The following CLASP1 variants were observed in gnomAD, a reference collection of about 807,000 sequenced individuals.
CLASP1 encodes the protein cytoplasmic linker associated protein 1, also known as CLIP-associating protein 1.
In CLASP1, 38 loss-of-function variants were observed where a neutral mutation model predicts 192.3. The ratio of observed to expected loss-of-function variants is 0.20; its 90% confidence interval spans 0.15 to 0.26. CLASP1 has a LOEUF of 0.26. Among genes scored for constraint, CLASP1 ranks in the 10% least tolerant of loss-of-function variants. CLASP1 has a pLI of 1.00. For synonymous variants in CLASP1, 691 were observed against 712.8 expected (o/e 0.97, Z 0.49); for missense variants, 1,433 against 1,932.5 (o/e 0.74, Z 4.85).
chr2:121,581,312 G>A (rs1234313522), intron 2 of CLASP1, among the ~76,000 whole-genome samples: 1 of 126,744 alleles, frequency 7.9e-6, no homozygotes, highest in Non-Finnish European at 1.6e-5. Flanking sequence ...CTGTCGCCCA[G>A]GCCGGACTGC....
intron 37 of CLASP1, among the ~76,000 whole-genome samples, chr2:121,355,934 A>C (rs1009327801): frequency 4.6e-5 from 7 of 152,262 alleles, no homozygotes; most frequent in Admixed American, 2.0e-4. Flanking sequence ...TTCACCTTTC[A>C]AAGTCAGTGA....
intron 1 of CLASP1, among the ~76,000 whole-genome samples, chr2:121,634,091 A>G (rs7558625): frequency 0.24 from 36,189 of 151,766 alleles, 6,543 homozygotes; most frequent in African/African-American, 0.5. Context: ...ATAGGAAGGG[A>G]CCACATCTCT....
chr2:121,414,527 C>T (rs2078235218), intron 23 of CLASP1, among the ~76,000 whole-genome samples: 1 of 152,148 alleles, frequency 6.6e-6, no homozygotes, highest in Non-Finnish European at 1.5e-5. Context: ...TGGACATATG[C>T]AACATGAAGA....
chr2:121,408,923 G>C lies in CLASP1; in HGVS notation c.2425-1208C>G. 4.4e-6 allele frequency: 4 copies of C among 911,952 alleles called. No individual in the cohort carries two copies. The South Asian group carries it at 6.1e-5, about 14-fold the overall frequency. 56.5% of individuals were successfully genotyped at this position (911,952 alleles called of 1,614,324 possible). A position where few individuals can be genotyped will look rare whatever the true frequency, so the allele number is the denominator to read the frequency against. On this transcript the variant is annotated intron_variant, in intron 24 of 39. Coordinates refer to ENST00000263710, the Ensembl canonical transcript of CLASP1. ...TTCAACAAAATCATATTTCAGACCAGAATTTCTATACTACATTTTTTGGTT... is the reference window on the plus strand; with the variant it reads ...TTCAACAAAATCATATTTCAGACCACAATTTCTATACTACATTTTTTGGTT...
intron 1 of CLASP1, among the ~76,000 whole-genome samples, chr2:121,634,260 AC>A (rs2070376543): frequency 6.6e-6 from 1 of 152,146 alleles, no homozygotes; most frequent in Non-Finnish European, 1.5e-5. Flanking sequence ...CTTAAACATA[AC>A]AGCAAAGTTT....
chr2:121,500,475 A>G (rs535912777), intron 8 of CLASP1, among the ~76,000 whole-genome samples: 8 of 149,506 alleles, frequency 5.4e-5, no homozygotes, highest in Non-Finnish European at 1.2e-4. Context: ...AGGAAGGAAG[A>G]AGAAAAGAGA....
chr2:121,470,781 T>C (rs1461790150), intron 8 of CLASP1: 2 of 333,990 alleles, frequency 6.0e-6, no homozygotes, highest in Non-Finnish European at 1.2e-5. Flanking sequence ...TAAATGTACA[T>C]TTCTCCTAGA....
chr2:121,488,319 T>G (rs1359350507), intron 8 of CLASP1, among the ~76,000 whole-genome samples: 1 of 152,230 alleles, frequency 6.6e-6, no homozygotes, highest in Non-Finnish European at 1.5e-5. Context: ...GATGTGTCCC[T>G]GTATCAATAG....
intron 2 of CLASP1, among the ~76,000 whole-genome samples, chr2:121,563,150 T>C (rs1342187358): frequency 6.6e-6 from 1 of 152,198 alleles, no homozygotes; most frequent in East Asian, 1.9e-4. Flanking sequence ...CAATGCCAAG[T>C]AGCCTTCACT....
At chr2:121,618,213 A>C (rs191261581) in intron 1 of CLASP1, among the ~76,000 whole-genome samples, 1 of 152,372 alleles carries the variant, frequency 6.6e-6, no homozygotes, top group Non-Finnish European at 1.5e-5. Context: ...CCTAATGCCT[A>C]TAATGCCTGT....
At chr2:121,404,346 A>G (rs1412300958) in intron 26 of CLASP1, 25 bp downstream of exon 27, 1 of 1,608,688 alleles carries the variant, frequency 6.2e-7, no homozygotes, top group South Asian at 1.1e-5. Flanking sequence ...GGGTAAAGAC[A>G]GGGCAGGCAT....
chr2:121,611,746 G>A (rs1226398301), intron 1 of CLASP1, among the ~76,000 whole-genome samples: 4 of 149,564 alleles, frequency 2.7e-5, no homozygotes, highest in African/African-American at 9.8e-5. Context: ...GGAGTTACAG[G>A]AGAAAGAGGA....
intron 2 of CLASP1, chr2:121,603,222 A>C (rs1424917390): frequency 6.6e-6 from 1 of 151,862 alleles, no homozygotes; most frequent in African/African-American, 2.4e-5. Context: ...AGAAAAAAAA[A>C]ATTATATATA....
intron 23 of CLASP1, among the ~76,000 whole-genome samples, chr2:121,411,524 A>T (rs1001799093): frequency 6.6e-6 from 1 of 152,128 alleles, no homozygotes; most frequent in Non-Finnish European, 1.5e-5. Context: ...CTTAAAAATC[A>T]ATTTATTAAA....
chr2:121,545,561 T>C (rs916419501), intron 2 of CLASP1, among the ~76,000 whole-genome samples: 2 of 152,144 alleles, frequency 1.3e-5, no homozygotes, highest in Non-Finnish European at 2.9e-5. Flanking sequence ...TCGGTTCTGT[T>C]ATGAAGAGAC....
In CLASP1 at chr2:121,342,475, A is replaced by G. The variant is rs563607720; in HGVS notation, c.4531-1528T>C. Among the ~76,000 whole-genome samples, 3 of 152,276 alleles carry G rather than the reference A, an allele frequency of 2.0e-5. No homozygotes were observed. In the East Asian group the frequency reaches 5.8e-4, roughly 29 times the overall value. On this transcript the variant is annotated intron_variant, in intron 39 of 39. Transcript: ENST00000263710. ...AAGACAATTTTTGGGGATGCAGCAA[A>G]AACAGTGCTGAAGAGGGAAATTTAG...
At chr2:121,520,562 TG>T (rs1201073901) in intron 6 of CLASP1, among the ~76,000 whole-genome samples, 2 of 152,222 alleles carry the variant, frequency 1.3e-5, no homozygotes, top group Non-Finnish European at 2.9e-5. Flanking sequence ...GAATTAGCAA[TG>T]GTCATATGTT....
At chr2:121,455,990 C>T (rs1248404022) in intron 14 of CLASP1, among the ~76,000 whole-genome samples, 2 of 151,908 alleles carry the variant, frequency 1.3e-5, no homozygotes, top group Non-Finnish European at 1.5e-5. Context: ...TTCAAGAGAT[C>T]GATTGCACAT....
At chr2:121,426,511 G>C (rs1027608188) in intron 21 of CLASP1, among the ~76,000 whole-genome samples, 9 of 152,302 alleles carry the variant, frequency 5.9e-5, no homozygotes, top group African/African-American at 2.2e-4. Context: ...AATTGTGTCT[G>C]TGTGTGTATA....
Sources: gnomAD v4.1 joint callset for allele counts (sites outside exome capture counted in the v4.1 genomes callset) on GRCh38, gnomAD v4.1.1 for gene constraint, MANE v1.5 for transcripts, NCBI Gene and HGNC (gene_info 2026-07-23, HGNC 2026-07-21) for gene names.